TRIM45: variants seen among roughly 807,000 people sequenced by gnomAD.
TRIM45 encodes tripartite motif containing 45.
Under a neutral mutation model 46.7 loss-of-function variants are expected in TRIM45, and 45 were observed. The observed-to-expected ratio is 0.96, with a 90% CI of 0.76 to 1.24. The LOEUF (loss-of-function observed/expected upper bound fraction) is 1.24, where lower values mean the gene tolerates loss of function less well. Ranked by LOEUF, TRIM45 falls within the 50% of genes most tolerant of loss-of-function variation. The pLI, the probability that TRIM45 is intolerant of heterozygous loss-of-function variation, is 0.00. For synonymous variants in TRIM45, 259 were observed against 285.8 expected, an observed-to-expected ratio of 0.91 and a Z score of 0.94; for missense variants, 680 against 728.4, an observed-to-expected ratio of 0.93 and a Z score of 0.77.
In TRIM45 at chr1:117,121,672, A is replaced by C; in HGVS notation, c.-471T>G. ...GCGAAAGGCGCGCGCCGGGTGAGGG[A>C]ATTGCAAGCCGCCGGCGGGCTTCTC... is the stretch of plus-strand genomic sequence containing the variant. On this transcript the variant is annotated 5_prime_UTR_variant, in exon 1 of 6. It adds an upstream start codon to the 5' untranslated region. Transcript: ENST00000256649. The surrounding 1 kb of genome is among the most constrained non-coding windows in gnomAD (Gnocchi z 4.2). The C allele has an allele frequency of 3.9e-6, 2 of 507,242 alleles. No individual in the cohort carries two copies. The highest frequency in any genetic ancestry group is 2.1e-5 in the African/African-American group (1 of 47,406). The allele number at this position is 507,242 out of a possible 1,614,324, so 31.4% of individuals were successfully genotyped here.
chr1:117,118,339 T>A lies in TRIM45; in HGVS notation c.917A>T (p.Lys306Met). Residue 306 changes from lysine (K) to methionine (M), a missense_variant, in exon 2 of 6, where the codon AAG (lysine) becomes ATG (methionine). By Grantham distance (95) the Lys-to-Met change is moderately conservative. This residue lies in a region of TRIM45 where 322 missense variants were observed against 359.3 expected (regional missense o/e 0.90). Transcript: ENST00000256649. The surrounding 1 kb of genome is among the most constrained non-coding windows in gnomAD (Gnocchi z 5.7). ...CTTCTGCAGCTGCAGGGAATTTTCC[T>A]TCTGGGCCCGTATGTCTTCCAGCTG... ...LKQLEDIRAQ[K>M]ENSLQLQKAQ... The A allele has an allele frequency of 6.2e-7, 1 of 1,614,192 alleles. No individual in the cohort carries two copies. Among genetic ancestry groups the A allele is most frequent in the Non-Finnish European group, 8.5e-7 (1 of 1,180,028 alleles).
chr1:117,116,341 C>G lies in TRIM45; in HGVS notation c.1352+275G>C, dbSNP rs1570913380. On this transcript the variant is annotated intron_variant, in intron 3 of 5. Transcript: ENST00000256649. This position sits in a 1 kb window ranked among gnomAD's most constrained non-coding sequence, Gnocchi z 4.6. The stretch of plus-strand genomic sequence containing the variant: ...CTCGACCTCCTGGGCTCAAGGGATC[C>G]TCCCATCTCAGCCTCCTGAATAGCT... 1.3e-5 allele frequency among the ~76,000 whole-genome samples: 2 copies of G among 151,940 alleles called. No individual in the cohort carries two copies. The highest frequency in any genetic ancestry group is 4.2e-4 in the South Asian group (2 of 4,816).
chr1:117,118,140 T>G lies in TRIM45; in HGVS notation c.1116A>C (p.Ile372=). The change falls in exon 2 of 6, where the codon ATA becomes ATC. Residue 372 remains isoleucine (I), a synonymous_variant. Coordinates refer to ENST00000256649, the MANE Select transcript of TRIM45 (RefSeq NM_025188.4). The surrounding 1 kb of genome is among the most constrained non-coding windows in gnomAD (Gnocchi z 5.7). The stretch of plus-strand genomic sequence containing the variant: ...CTGCTTTCTCCTGAGGACAGAAGCG[T>G]ATCTTATCATTTACTCCAGGACGGG... ...YSTRPGVNDK[I]RFCPQEKAGQ... is the part of the protein sequence containing the mutation. 1 of 1,614,194 alleles carries G rather than the reference T, an allele frequency of 6.2e-7. No homozygotes were observed. The highest frequency in any genetic ancestry group is 8.5e-7 in the Non-Finnish European group (1 of 1,180,034).
At position 117,116,666 on chromosome 1, in the gene TRIM45, CCT is replaced by C. The variant is rs777980501; in HGVS notation, c.1300_1301del (p.Arg434GlyfsTer12). ...CKDAAGEIMG[R>X]GGDNVQVAVV... is the part of the protein sequence containing the mutation. Reference sequence around the variant, plus strand: ...CGGCAACTTGAACGTTGTCTCCTCCCCTGCCCATGATTTCTCCTGCGGCATCC... The same window carrying C: ...CGGCAACTTGAACGTTGTCTCCTCCCGCCCATGATTTCTCCTGCGGCATCC... On this transcript the variant is annotated frameshift_variant, in exon 3 of 6. Transcript: ENST00000256649. LOFTEE classifies it high-confidence loss of function. This position sits in a 1 kb window ranked among gnomAD's most constrained non-coding sequence, Gnocchi z 4.6. The C allele has an allele frequency of 3.4e-5, 55 of 1,613,968 alleles. No individual in the cohort carries two copies. In the African/African-American group the frequency reaches 7.1e-4, roughly 21 times the overall value.
Position 117,117,931 on chromosome 1 carries a change from C to T in TRIM45, c.1222+103G>A. 1.4e-6 allele frequency: 2 copies of T among 1,441,992 alleles called. No individual in the cohort carries two copies. Among genetic ancestry groups the T allele is most frequent in the African/African-American group, 1.4e-5 (1 of 70,558 alleles). 89.3% of individuals were successfully genotyped at this position (1,441,992 alleles called of 1,614,324 possible). Reference sequence around the variant, plus strand: ...CAGTTTATCTCCCCACCTTTGGTAACCTGGTCAGTAGGGCATGCTTCCTAG... The same window carrying T: ...CAGTTTATCTCCCCACCTTTGGTAATCTGGTCAGTAGGGCATGCTTCCTAG... On this transcript the variant is annotated intron_variant, in intron 2 of 5. Coordinates refer to ENST00000256649, the MANE Select transcript of TRIM45 (RefSeq NM_025188.4). The surrounding 1 kb of genome is among the most constrained non-coding windows in gnomAD (Gnocchi z 4.9).
chr1:117,122,784 G>A (rs888787539), upstream of TRIM45, among the ~76,000 whole-genome samples: 2 of 152,124 alleles, frequency 1.3e-5, no homozygotes, highest in African/African-American at 4.8e-5. Context: ...CTTACCAGGC[G>A]TCTCCTGATT....
In TRIM45 at chr1:117,116,899, G is replaced by A. The variant is rs192584343; in HGVS notation, c.1223-154C>T. Reference sequence around the variant, plus strand: ...CTTCCCCTTCTGCCTCCCAGAGTACGCCTCTTGGGAGTCCTTCCTGGTTGG... The same window carrying A: ...CTTCCCCTTCTGCCTCCCAGAGTACACCTCTTGGGAGTCCTTCCTGGTTGG... On this transcript the variant is annotated intron_variant, in intron 2 of 5. Transcript: ENST00000256649. This position sits in a 1 kb window ranked among gnomAD's most constrained non-coding sequence, Gnocchi z 4.6. Among the ~76,000 whole-genome samples the A allele has an allele frequency of 1.4e-4, 22 of 152,194 alleles. No homozygotes were observed. Among genetic ancestry groups the A allele is most frequent in the Admixed American group, 7.8e-4 (12 of 15,292 alleles).
rs764489764 is a variant in TRIM45 at position 117,115,622 on chromosome 1, G to C, written c.1420C>G (p.Pro474Ala). Residue 474 changes from proline (P) to alanine (A), a missense_variant, in exon 4 of 6, where the codon CCT becomes GCT. Physicochemically the swap from Pro to Ala is conservative, Grantham distance 27. Around this residue, in one of 3 missense-constraint regions of TRIM45, gnomAD observed 322 missense variants for 359.3 expected, o/e 0.90. Coordinates refer to ENST00000256649, the MANE Select transcript of TRIM45 (RefSeq NM_025188.4). The surrounding 1 kb of genome is among the most constrained non-coding windows in gnomAD (Gnocchi z 4.2). ...CAGACCCACACAGTATAGACGCCAG[G>C]TTCCTTGGGGGTGTAGGAAATGTAG... ...TYYISYTPKEPGVYTVWVCIK... is the reference protein window; with the variant it reads ...TYYISYTPKEAGVYTVWVCIK... 6.2e-7 allele frequency: 1 copy of C among 1,614,156 alleles called. No individual in the cohort carries two copies. Among genetic ancestry groups the C allele is most frequent in the South Asian group, 1.1e-5 (1 of 91,090 alleles).
At position 117,118,213 on chromosome 1, in the gene TRIM45, C is replaced by G; in HGVS notation, c.1043G>C (p.Arg348Thr). ...GSDLEILITK[R>T]VVVERLRKLN... ...CTTCCTGAGCCGTTCTACCACCACC[C>G]TCTTGGTGATGAGGATCTCCAAGTC... Residue 348 changes from arginine (R) to threonine (T), a missense_variant, in exon 2 of 6, where the codon AGG becomes ACG. Physicochemically the swap from Arg to Thr is moderately conservative, Grantham distance 71. Around this residue, in one of 3 missense-constraint regions of TRIM45, gnomAD observed 322 missense variants for 359.3 expected, o/e 0.90. Coordinates refer to ENST00000256649, the MANE Select transcript of TRIM45 (RefSeq NM_025188.4). This position sits in a 1 kb window ranked among gnomAD's most constrained non-coding sequence, Gnocchi z 5.7. 1 of 1,614,236 alleles carries G rather than the reference C, an allele frequency of 6.2e-7. No homozygotes were observed. Among genetic ancestry groups the G allele is most frequent in the Non-Finnish European group, 8.5e-7 (1 of 1,180,044 alleles).
chr1:117,112,267 GTGC>G lies in TRIM45; in HGVS notation c.*35_*37del, dbSNP rs776159588. 6.7e-7 allele frequency: 1 copy of G among 1,497,848 alleles called. No individual in the cohort carries two copies. Among genetic ancestry groups the G allele is most frequent in the South Asian group, 1.4e-5 (1 of 71,022 alleles). The allele number at this position is 1,497,848 out of a possible 1,614,324, so 92.8% of individuals were successfully genotyped here. ...CTGGGTCCTCTGGAAATCTCAAGTG[GTGC>G]TGCCTGCAGCTTTAAAAGGCTGAGC... On this transcript the variant is annotated 3_prime_UTR_variant, in exon 6 of 6. Transcript: ENST00000256649.
At chr1:117,122,040 C>G (rs1278838609), upstream of TRIM45, 2 of 509,438 alleles carry the variant, frequency 3.9e-6, no homozygotes, top group African/African-American at 2.0e-5. Context: ...GACTGTCCCT[C>G]TCTCTGTGGT....
upstream of TRIM45, among the ~76,000 whole-genome samples, chr1:117,123,205 T>A (rs1650729661): frequency 6.6e-6 from 1 of 152,248 alleles, no homozygotes. Context: ...TTACCTAGAT[T>A]TTTTTCAGCC....
chr1:117,112,362 G>C lies in TRIM45; in HGVS notation c.1686C>G (p.Cys562Trp), dbSNP rs760014496. ...GTGCGCTCTGCCCACCTGTCCATGT[G>C]CATTCAGATTTCTCATTAAATTTTC... ...CCGKFNEKSE[C>W]TWTGGQSAPR... Residue 562 changes from cysteine to tryptophan, a missense_variant, in exon 6 of 6, where the codon TGC becomes TGG. By Grantham distance (215) the Cys-to-Trp change is radical. This residue lies in a region of TRIM45 where 322 missense variants were observed against 359.3 expected (regional missense o/e 0.90). Coordinates refer to ENST00000256649, the MANE Select transcript of TRIM45 (RefSeq NM_025188.4). 8 of 1,614,134 alleles carry C rather than the reference G, an allele frequency of 5.0e-6. No homozygotes were observed. In the Admixed American group the frequency reaches 1.3e-4, roughly 27 times the overall value.
Position 117,121,498 on chromosome 1 carries a change from A to C in TRIM45, c.-297T>G. On this transcript the variant is annotated 5_prime_UTR_variant, in exon 1 of 6. Transcript: ENST00000256649. This position sits in a 1 kb window ranked among gnomAD's most constrained non-coding sequence, Gnocchi z 4.2. ...CGCTTCCAGGTCTAGCTCTCCAGCTAGTCCTGCTGCCAACAAAGTCACCCC... is the reference window on the plus strand; with the variant it reads ...CGCTTCCAGGTCTAGCTCTCCAGCTCGTCCTGCTGCCAACAAAGTCACCCC... The C allele has an allele frequency of 1.9e-6, 1 of 521,746 alleles. No individual in the cohort carries two copies. The highest frequency in any genetic ancestry group is 3.4e-6 in the Non-Finnish European group (1 of 297,054). The allele number at this position is 521,746 out of a possible 1,614,324, so 32.3% of individuals were successfully genotyped here. A position where few individuals can be genotyped will look rare whatever the true frequency, so the allele number is the denominator to read the frequency against.
chr1:117,115,197 T>C lies in TRIM45; in HGVS notation c.1467+378A>G, dbSNP rs2101337539. ...GGCATAACCCTCTCAACTGTGTTCA[T>C]GTCCAGACACAGTCTGGACAAAACT... On this transcript the variant is annotated intron_variant, in intron 4 of 5. Transcript: ENST00000256649. This position sits in a 1 kb window ranked among gnomAD's most constrained non-coding sequence, Gnocchi z 4.2. Among the ~76,000 whole-genome samples the C allele has an allele frequency of 6.6e-6, 1 of 152,290 alleles. No individual in the cohort carries two copies. Among genetic ancestry groups the C allele is most frequent in the East Asian group, 1.9e-4 (1 of 5,184 alleles).
chr1:117,113,449 G>A lies in TRIM45; in HGVS notation c.1504C>T (p.Arg502Cys), dbSNP rs772199977. 11 of 1,612,692 alleles carry A rather than the reference G, an allele frequency of 6.8e-6. No homozygotes were observed. The highest frequency in any genetic ancestry group is 1.7e-5 in the Admixed American group (1 of 60,002). Residue 502 changes from arginine (R) to cysteine (C), a missense_variant, in exon 5 of 6, where the codon CGC (arginine) becomes TGC (cysteine). Around this residue, in one of 3 missense-constraint regions of TRIM45, gnomAD observed 322 missense variants for 359.3 expected, o/e 0.90. Coordinates refer to ENST00000256649, the MANE Select transcript of TRIM45 (RefSeq NM_025188.4). This position sits in a 1 kb window ranked among gnomAD's most constrained non-coding sequence, Gnocchi z 4.0. ...CAGTGAAACACGCCTGAGTGTGGGCGGTGCTTTCTCCTCACCATCACAGTG... is the reference window on the plus strand; with the variant it reads ...CAGTGAAACACGCCTGAGTGTGGGCAGTGCTTTCTCCTCACCATCACAGTG... ...PFTVMVRRKH[R>C]PHSGVFHCCT...
chr1:117,115,513 G>A lies in TRIM45; in HGVS notation c.1467+62C>T. On this transcript the variant is annotated intron_variant, in intron 4 of 5. Transcript: ENST00000256649. This position sits in a 1 kb window ranked among gnomAD's most constrained non-coding sequence, Gnocchi z 4.2. The stretch of plus-strand genomic sequence containing the variant: ...CTGTATAGCTGATCCTATGTGAAAT[G>A]TCTCCAGATCCTAAGACAGTAGAAT... 8.6e-7 allele frequency: 1 copy of A among 1,159,240 alleles called. No individual in the cohort carries two copies. The highest frequency in any genetic ancestry group is 1.2e-5 in the South Asian group (1 of 80,500). The allele number at this position is 1,159,240 out of a possible 1,614,324, so 71.8% of individuals were successfully genotyped here.
intron 1 of TRIM45, among the ~76,000 whole-genome samples, chr1:117,120,114 C>T (rs1258812810): frequency 6.6e-6 from 1 of 152,182 alleles, no homozygotes; most frequent in African/African-American, 2.4e-5. Flanking sequence ...ACCAGCCCAC[C>T]TCACCAAGCT....
In TRIM45 at chr1:117,116,576, A is replaced by G; in HGVS notation, c.1352+40T>C. 6.2e-7 allele frequency: 1 copy of G among 1,606,466 alleles called. No individual in the cohort carries two copies. Among genetic ancestry groups the G allele is most frequent in the South Asian group, 1.1e-5 (1 of 90,742 alleles). ...AGGACCTCATGTTTCCAGTTTTCTCACTGCCTGTTATCCATGACACCTAAT... is the reference window on the plus strand; with the variant it reads ...AGGACCTCATGTTTCCAGTTTTCTCGCTGCCTGTTATCCATGACACCTAAT... On this transcript the variant is annotated intron_variant, in intron 3 of 5. Coordinates refer to ENST00000256649, the MANE Select transcript of TRIM45 (RefSeq NM_025188.4). This position sits in a 1 kb window ranked among gnomAD's most constrained non-coding sequence, Gnocchi z 4.6.
Sources: allele counts gnomAD v4.1 joint callset (sites outside exome capture counted in the v4.1 genomes callset), GRCh38; gene constraint gnomAD v4.1.1; regional missense constraint gnomAD v4.1.1; non-coding constraint Gnocchi (gnomAD v3.1); transcripts MANE v1.5; gene names NCBI Gene and HGNC (gene_info 2026-07-23, HGNC 2026-07-21).